ANKRD44: variants seen among roughly 807,000 people sequenced by gnomAD.
The protein encoded by ANKRD44 is ankyrin repeat domain 44, also known as serine/threonine-protein phosphatase 6 regulatory ankyrin repeat subunit B.
ANKRD44 carries 35 observed loss-of-function variants against 116.0 expected under a neutral mutation model. The observed-to-expected ratio is 0.30, with a 90% CI of 0.23 to 0.40. The LOEUF (loss-of-function observed/expected upper bound fraction) is 0.40. Ranked by LOEUF, ANKRD44 falls within the 10% of genes least tolerant of loss-of-function variation. ANKRD44 has a pLI of 1.00. For missense variants in ANKRD44, 1,014 were observed against 1,242.6 expected (o/e 0.82, Z 2.77); for synonymous variants, 435 against 461.8 (o/e 0.94, Z 0.74).
intron 17 of ANKRD44, among the ~76,000 whole-genome samples, chr2:197,022,778 C>A (rs1187840268): frequency 6.6e-6 from 1 of 152,176 alleles, no homozygotes; most frequent in African/African-American, 2.4e-5. Context: ...ACAGGAGGAT[C>A]ACTTGAGCCC....
chr2:197,081,089 T>C (rs934079668), intron 15 of ANKRD44, among the ~76,000 whole-genome samples: 1 of 152,098 alleles, frequency 6.6e-6, no homozygotes, highest in Non-Finnish European at 1.5e-5. Context: ...CTCCCACCCC[T>C]GCCACAGCAA....
chr2:197,209,792 T>C (rs1463645659), intron 1 of ANKRD44, among the ~76,000 whole-genome samples: 1 of 152,264 alleles, frequency 6.6e-6, no homozygotes, highest in Non-Finnish European at 1.5e-5. Flanking sequence ...TTCTCTAAGA[T>C]GGACAGATAA....
At chr2:197,200,655 C>G (rs1396226635) in intron 1 of ANKRD44, among the ~76,000 whole-genome samples, 1 of 152,140 alleles carries the variant, frequency 6.6e-6, no homozygotes, top group Non-Finnish European at 1.5e-5. Context: ...TACCCCCTGC[C>G]AAAACACATA....
chr2:197,084,304 C>T (rs2077869487), intron 13 of ANKRD44, among the ~76,000 whole-genome samples: 1 of 152,158 alleles, frequency 6.6e-6, no homozygotes, highest in Non-Finnish European at 1.5e-5. Context: ...CCCAGGAGTG[C>T]CCATTCACGA....
At chr2:197,257,708 A>G (rs935221381) in intron 1 of ANKRD44, among the ~76,000 whole-genome samples, 8 of 152,212 alleles carry the variant, frequency 5.3e-5, no homozygotes, top group African/African-American at 1.9e-4. Context: ...ACAAATATAT[A>G]CACCTACTAT....
intron 1 of ANKRD44, among the ~76,000 whole-genome samples, chr2:197,278,984 C>T (rs1217131377): frequency 6.6e-6 from 1 of 152,232 alleles, no homozygotes; most frequent in African/African-American, 2.4e-5. Context: ...AGTTTTTCCA[C>T]ATCCTTTCAA....
chr2:197,065,217 G>T (rs1355264985), intron 16 of ANKRD44, among the ~76,000 whole-genome samples: 2 of 152,180 alleles, frequency 1.3e-5, no homozygotes, highest in East Asian at 3.9e-4. Context: ...GGTACATAAC[G>T]AAATGAAGGC....
At position 197,203,711 on chromosome 2, in the gene ANKRD44, C is replaced by A. The variant is rs1340737310; in HGVS notation, c.28-16605G>T. On this transcript the variant is annotated intron_variant, in intron 1 of 27. Coordinates refer to ENST00000282272, the MANE Select transcript of ANKRD44 (RefSeq NM_001195144.2). The surrounding 1 kb of genome is among the most constrained non-coding windows in gnomAD (Gnocchi z 4.1). ...AAAAGGTAGAAACAACCCAAGTGTCCACCAACCGGCATCAACTGATGAATG... is the reference window on the plus strand; with the variant it reads ...AAAAGGTAGAAACAACCCAAGTGTCAACCAACCGGCATCAACTGATGAATG... Among the ~76,000 whole-genome samples the A allele has an allele frequency of 6.6e-6, 1 of 152,168 alleles. No individual in the cohort carries two copies. The highest frequency in any genetic ancestry group is 1.5e-5 in the Non-Finnish European group (1 of 68,024).
At chr2:197,145,636 T>C (rs768427753) in intron 3 of ANKRD44, among the ~76,000 whole-genome samples, 1 of 152,200 alleles carries the variant, frequency 6.6e-6, no homozygotes. Context: ...GCACACGTGT[T>C]TTGAGGCACA....
intron 1 of ANKRD44, among the ~76,000 whole-genome samples, chr2:197,268,783 C>T (rs897445698): frequency 2.6e-5 from 4 of 152,168 alleles, no homozygotes; most frequent in African/African-American, 9.6e-5. Context: ...ATATGCCCTG[C>T]CTTCACTCCG....
At chr2:197,164,505 C>T (rs1045504593) in intron 2 of ANKRD44, among the ~76,000 whole-genome samples, 2 of 152,202 alleles carry the variant, frequency 1.3e-5, no homozygotes, top group African/African-American at 4.8e-5. Flanking sequence ...CAGAAGAGCC[C>T]TTCCCCCACC....
At chr2:197,015,759 T>A in intron 17 of ANKRD44, 1 of 500,544 alleles carries the variant, frequency 2.0e-6, no homozygotes, top group South Asian at 1.9e-5. Flanking sequence ...ATGGTGGTGG[T>A]GGACCAGGAT....
chr2:197,122,635 TTCA>T lies in ANKRD44; in HGVS notation c.693+12_693+14del. The T allele has an allele frequency of 6.2e-7, 1 of 1,611,202 alleles. No homozygotes were observed. On this transcript the variant is annotated intron_variant, in intron 7 of 27. Coordinates refer to ENST00000282272, the MANE Select transcript of ANKRD44 (RefSeq NM_001195144.2). ...AATACACTGGCCATGCATTGATGCA[TTCA>T]TCATAGCTCACCTCCACCCCCAGGT...
At chr2:196,969,779 T>C (rs1294150270) in intron 21 of ANKRD44, among the ~76,000 whole-genome samples, 1 of 152,244 alleles carries the variant, frequency 6.6e-6, no homozygotes, top group Non-Finnish European at 1.5e-5. Context: ...AAATCAATCA[T>C]TCTATTTAAT....
In ANKRD44 at chr2:197,147,111, A is replaced by G. The variant is rs1321509656; in HGVS notation, c.112-6T>C. 6.2e-7 allele frequency: 1 copy of G among 1,613,560 alleles called. No individual in the cohort carries two copies. The highest frequency in any genetic ancestry group is 2.2e-5 in the East Asian group (1 of 44,862). On this transcript the variant is annotated splice_polypyrimidine_tract_variant and splice_region_variant and intron_variant, in intron 2 of 27. Coordinates refer to ENST00000282272, the MANE Select transcript of ANKRD44 (RefSeq NM_001195144.2). ...GGGGTTCGTTTCTCAGAATCCTGAA[A>G]TACACAACGTCAAAGACATACAACA...
chr2:197,259,574 TCA>T (rs1362904081), intron 1 of ANKRD44, among the ~76,000 whole-genome samples: 1 of 152,142 alleles, frequency 6.6e-6, no homozygotes, highest in African/African-American at 2.4e-5. Context: ...TGAGAAAACT[TCA>T]CTTTCAAATC....
intron 1 of ANKRD44, among the ~76,000 whole-genome samples, chr2:197,251,398 G>A (rs2082314181): frequency 1.3e-5 from 2 of 152,122 alleles, no homozygotes; most frequent in Non-Finnish European, 2.9e-5. Context: ...AAAGAGTCTG[G>A]ACAATTGTGT....
At chr2:197,101,819 C>T (rs1299074424) in intron 9 of ANKRD44, among the ~76,000 whole-genome samples, 3 of 152,084 alleles carry the variant, frequency 2.0e-5, no homozygotes, top group Non-Finnish European at 2.9e-5. Context: ...GAATTTTTTA[C>T]TGTGTGCTTA....
intron 1 of ANKRD44, chr2:197,301,233 C>T (rs1158037917): frequency 6.6e-6 from 1 of 152,196 alleles, no homozygotes; most frequent in Admixed American, 6.5e-5. Flanking sequence ...CCTGTTCTTA[C>T]CTGTCCTTCC....
Sources: gnomAD v4.1 joint callset for allele counts (sites outside exome capture counted in the v4.1 genomes callset) on GRCh38, gnomAD v4.1.1 for gene constraint, Gnocchi (gnomAD v3.1) non-coding constraint, MANE v1.5 for transcripts, NCBI Gene and HGNC (gene_info 2026-07-23, HGNC 2026-07-21) for gene names.